Variants in SORCS2 observed in about 807,000 individuals in gnomAD.
The protein encoded by SORCS2 is sortilin related VPS10 domain containing receptor 2, also known as VPS10 domain-containing receptor SorCS2.
In SORCS2, 100 loss-of-function variants were observed where a neutral mutation model predicts 141.6. The observed-to-expected ratio is 0.71, with a 90% CI of 0.60 to 0.83. The LOEUF (loss-of-function observed/expected upper bound fraction) is 0.83, where lower values mean the gene tolerates loss of function less well. Ranked by LOEUF, SORCS2 falls within the 40% of genes least tolerant of loss-of-function variation. The pLI, the probability that SORCS2 is intolerant of heterozygous loss-of-function variation, is 0.00. For synonymous variants in SORCS2, 789 were observed against 676.9 expected (o/e 1.17, Z -2.57); for missense variants, 1,646 against 1,560.2 (o/e 1.05, Z -0.93).
chr4:7,463,527 C>T (rs1729435860), intron 2 of SORCS2, among the ~76,000 whole-genome samples: 1 of 152,178 alleles, frequency 6.6e-6, no homozygotes, highest in Non-Finnish European at 1.5e-5. Context: ...CTCTCGACTC[C>T]AGGGCCTCCA....
intron 6 of SORCS2, among the ~76,000 whole-genome samples, chr4:7,662,108 C>T (rs1577912534): frequency 2.6e-5 from 4 of 152,178 alleles, no homozygotes; most frequent in Admixed American, 2.6e-4. Context: ...ACCCCAGTCT[C>T]CTGGCCTGTG....
intron 2 of SORCS2, among the ~76,000 whole-genome samples, chr4:7,456,920 C>T (rs1197858299): frequency 6.6e-6 from 1 of 151,960 alleles, no homozygotes; most frequent in Non-Finnish European, 1.5e-5. Flanking sequence ...GCTCCACGCT[C>T]CATTTCACCC....
chr4:7,228,280 T>C (rs1407124536), intron 1 of SORCS2, among the ~76,000 whole-genome samples: 1 of 152,152 alleles, frequency 6.6e-6, no homozygotes, highest in Admixed American at 6.5e-5. Flanking sequence ...GACCACCTTC[T>C]TTTAAAGGTC....
chr4:7,647,064 T>C (rs1229602435), intron 4 of SORCS2, among the ~76,000 whole-genome samples: 1 of 151,916 alleles, frequency 6.6e-6, no homozygotes, highest in Non-Finnish European at 1.5e-5. Flanking sequence ...AATGACGCTG[T>C]CCCGAAAAAC....
intron 1 of SORCS2, among the ~76,000 whole-genome samples, chr4:7,360,004 G>T (rs2109021479): frequency 6.6e-6 from 1 of 152,346 alleles, no homozygotes; most frequent in South Asian, 2.1e-4. Flanking sequence ...GTCATTCTGA[G>T]AGCTTGCCCG....
chr4:7,456,916 C>T (rs912189742), intron 2 of SORCS2, among the ~76,000 whole-genome samples: 3 of 151,928 alleles, frequency 2.0e-5, no homozygotes, highest in African/African-American at 7.3e-5. Flanking sequence ...CACTGCTCCA[C>T]GCTCCATTTC....
intron 2 of SORCS2, among the ~76,000 whole-genome samples, chr4:7,438,479 A>G (rs13117409): frequency 0.22 from 33,521 of 152,218 alleles, 4,631 homozygotes; most frequent in East Asian, 0.44. Flanking sequence ...ATATGTAACT[A>G]TCTTGTTCCT....
chr4:7,698,142 G>T (rs1370600536), intron 12 of SORCS2, among the ~76,000 whole-genome samples: 2 of 152,218 alleles, frequency 1.3e-5, no homozygotes, highest in Admixed American at 1.3e-4. Context: ...TTTCCAGGGG[G>T]CGGGGAACAT....
chr4:7,448,625 CCTTCCTT>C (rs1359126673), intron 2 of SORCS2, among the ~76,000 whole-genome samples: 1 of 117,394 alleles, frequency 8.5e-6, no homozygotes, highest in Non-Finnish European at 1.7e-5. Flanking sequence ...TTCCTTCCTT[CCTTCCTT>C]ATTTCTTGCC....
intron 1 of SORCS2, among the ~76,000 whole-genome samples, chr4:7,394,445 G>C (rs1394032860): frequency 6.7e-6 from 1 of 148,776 alleles, no homozygotes; most frequent in African/African-American, 2.5e-5. Context: ...CCCAGTGTCG[G>C]GGGCCTTCCT....
chr4:7,343,004 C>T (rs947713517), intron 1 of SORCS2, among the ~76,000 whole-genome samples: 4 of 152,152 alleles, frequency 2.6e-5, no homozygotes, highest in Non-Finnish European at 4.4e-5. Context: ...TGGCTGCAGA[C>T]AGGCCTGGGA....
chr4:7,384,827 C>T (rs924961282), intron 1 of SORCS2, among the ~76,000 whole-genome samples: 1 of 152,244 alleles, frequency 6.6e-6, no homozygotes, highest in South Asian at 2.1e-4. Flanking sequence ...GTAGAAGGGC[C>T]AGGACTCAGA....
intron 1 of SORCS2, among the ~76,000 whole-genome samples, chr4:7,301,036 C>A (rs535291836): frequency 1.4e-4 from 21 of 152,164 alleles, no homozygotes; most frequent in Non-Finnish European, 7.3e-5. Flanking sequence ...AAGCCTCAGT[C>A]TTCCAGAGCT....
intron 2 of SORCS2, chr4:7,434,512 C>T (rs56402179): frequency 0.17 from 273,724 of 1,612,280 alleles, 24,995 homozygotes; most frequent in Middle Eastern, 0.29. Flanking sequence ...CGGGGCCCCA[C>T]GGAGCATGCT....
At chr4:7,659,686 C>T (rs914338742) in intron 5 of SORCS2, among the ~76,000 whole-genome samples, 3 of 152,156 alleles carry the variant, frequency 2.0e-5, no homozygotes, top group South Asian at 2.1e-4. Flanking sequence ...AGAGGGCAAG[C>T]GAGGCTTTCC....
intron 2 of SORCS2, among the ~76,000 whole-genome samples, chr4:7,411,109 C>T (rs555639655): frequency 6.6e-6 from 1 of 152,028 alleles, no homozygotes; most frequent in Admixed American, 6.6e-5. Flanking sequence ...GCATGCATCA[C>T]CACGCCCAGC....
chr4:7,602,808 G>A (rs997544378), intron 3 of SORCS2, among the ~76,000 whole-genome samples: 5 of 152,218 alleles, frequency 3.3e-5, no homozygotes, highest in South Asian at 2.1e-4. Context: ...CAAGGCAGGC[G>A]GCTGGGAGGT....
intron 2 of SORCS2, among the ~76,000 whole-genome samples, chr4:7,453,214 C>T (rs1243561500): frequency 8.9e-6 from 1 of 112,556 alleles, no homozygotes. Flanking sequence ...GGGTCAGGCG[C>T]TGTGTTGGGG....
At chr4:7,694,620 G>A (rs1002509198) in intron 11 of SORCS2, among the ~76,000 whole-genome samples, 5 of 152,220 alleles carry the variant, frequency 3.3e-5, no homozygotes, top group East Asian at 1.9e-4. Context: ...GGCTGCTGGC[G>A]CCTGGGATAG....
Sources: gnomAD v4.1 joint callset for allele counts (sites outside exome capture counted in the v4.1 genomes callset) on GRCh38, gnomAD v4.1.1 for gene constraint, MANE v1.5 for transcripts, NCBI Gene and HGNC (gene_info 2026-07-23, HGNC 2026-07-21) for gene names.